Variants in CYP4A11 observed in about 807,000 individuals in gnomAD.
The protein encoded by CYP4A11 is cytochrome P450 family 4 subfamily A member 11, also known as cytochrome P450 4A11.
Under a neutral mutation model 57.7 loss-of-function variants are expected in CYP4A11, and 52 were observed. The ratio of observed to expected loss-of-function variants is 0.90; its 90% CI spans 0.72 to 1.14. CYP4A11 has a LOEUF of 1.14. CYP4A11 is among the 50% of genes most tolerant of loss of function. The pLI, the probability that CYP4A11 is intolerant of heterozygous loss-of-function variation, is 0.00. For synonymous variants in CYP4A11, 228 were observed against 247.1 expected (o/e 0.92, Z 0.72); for missense variants, 641 against 642.1 (o/e 1.00, Z 0.02).
intron 4 of CYP4A11, 87 bp downstream of exon 4, chr1:46,936,577 T>G (rs1681403265): frequency 6.7e-7 from 1 of 1,487,004 alleles, no homozygotes; most frequent in South Asian, 1.4e-5. Flanking sequence ...TGTCTATGTC[T>G]GCCTGTGGGA....
intron 2 of CYP4A11, 66 bp from the exon 3 acceptor site, chr1:46,937,412 A>G (rs979723850): frequency 2.6e-6 from 4 of 1,538,742 alleles, no homozygotes; most frequent in South Asian, 2.2e-5. Context: ...TAGAGGCTGC[A>G]TCAATTCTTG....
At chr1:46,930,726 G>A (rs1390272698) in intron 11 of CYP4A11, among the ~76,000 whole-genome samples, 2 of 152,158 alleles carry the variant, frequency 1.3e-5, no homozygotes, top group Admixed American at 1.3e-4. Context: ...CACACTCTCA[G>A]GTGCTTCCCA....
intron 2 of CYP4A11, 136 bp downstream of exon 2, chr1:46,937,860 G>T (rs559286398): frequency 1.5e-5 from 20 of 1,343,468 alleles, no homozygotes; most frequent in Non-Finnish European, 2.0e-5. Flanking sequence ...CCTGGGCATG[G>T]TGGGCTTGGT....
chr1:46,936,836 TGTG>T, intron 3 of CYP4A11, 45 bp from the exon 4 acceptor site: 5 of 1,568,458 alleles, frequency 3.2e-6, no homozygotes, highest in Non-Finnish European at 4.3e-6. Context: ...TGTGTGTGTG[TGTG>T]TGTGTCAGGG....
Position 46,938,033 on chromosome 1 carries a change from A to G in CYP4A11, c.300T>C (p.Tyr100=). 6.2e-7 allele frequency: 1 copy of G among 1,614,208 alleles called. No homozygotes were observed. The highest frequency in any genetic ancestry group is 8.5e-7 in the Non-Finnish European group (1 of 1,180,038). Residue 100 remains tyrosine, a synonymous_variant, in exon 2 of 12, where the codon TAT becomes TAC. Transcript: ENST00000310638. ...LWGGKVRVQL[Y]DPDYMKVILG... The stretch of plus-strand genomic sequence containing the variant: ...GAATCACCTTCATATAGTCAGGGTC[A>G]TAGAGCTGGACACGAACTTTGCCTC...
chr1:46,932,556 G>T, intron 11 of CYP4A11: 1 of 1,440,404 alleles, frequency 6.9e-7, no homozygotes, highest in South Asian at 1.5e-5. Context: ...AGCAGAGGGA[G>T]CAAAGTCTCC....
At chr1:46,939,131 C>A (rs1039959575) in intron 1 of CYP4A11, among the ~76,000 whole-genome samples, 1 of 152,218 alleles carries the variant, frequency 6.6e-6, no homozygotes, top group Non-Finnish European at 1.5e-5. Flanking sequence ...TTCCATGTAG[C>A]CAACTCTTCT....
In CYP4A11 at chr1:46,934,290, G is replaced by A. The variant is rs1242115353; in HGVS notation, c.974C>T (p.Thr325Ile). 2 of 1,612,236 alleles carry A rather than the reference G, an allele frequency of 1.2e-6. No individual in the cohort carries two copies. Among genetic ancestry groups the A allele is most frequent in the Admixed American group, 1.7e-5 (1 of 59,844 alleles). ...VDTFMFEGHD[T>I]TASGISWILY... Reference sequence around the variant, plus strand: ...GATCCAGGAGATCCCACTGGCTGTGGTGTCGTGGCCCTCAAACATGAACGT... The same window carrying A: ...GATCCAGGAGATCCCACTGGCTGTGATGTCGTGGCCCTCAAACATGAACGT... Residue 325 changes from threonine to isoleucine, a missense_variant, in exon 8 of 12, where the codon ACC becomes ATC. Transcript: ENST00000310638.
intron 6 of CYP4A11, among the ~76,000 whole-genome samples, 163 bp from the exon 7 acceptor site, chr1:46,934,722 G>A (rs1488409888): frequency 6.6e-6 from 1 of 151,862 alleles, no homozygotes; most frequent in East Asian, 2.0e-4. Context: ...GTGAGGCAGG[G>A]CACCCCTCCC....
chr1:46,932,602 C>G, intron 11 of CYP4A11, 159 bp downstream of exon 11: 1 of 1,534,564 alleles, frequency 6.5e-7, no homozygotes, highest in South Asian at 1.3e-5. Context: ...CTTTTGTACA[C>G]AGAGACGCCC....
At chr1:46,933,178 T>C in intron 9 of CYP4A11, 131 bp from the exon 10 acceptor site, 1 of 1,334,902 alleles carries the variant, frequency 7.5e-7, no homozygotes. Context: ...CTGGGATGAT[T>C]CTGCCATTAT....
At position 46,934,185 on chromosome 1, in the gene CYP4A11, G is replaced by A; in HGVS notation, c.1079C>T (p.Ser360Phe). ...TTGAGCCCTCACTCACCAGGTGATG[G>A]AGGCTCCATCACCCAGGAGGCTGTG... ...EIHSLLGDGA[S>F]ITWNHLDQMP... is the part of the protein sequence containing the mutation. The change falls in exon 8 of 12, where the codon TCC becomes TTC. Residue 360 changes from serine to phenylalanine, a missense_variant. By Grantham distance (155) the Ser-to-Phe change is radical (BLOSUM62 -2). Transcript: ENST00000310638. 2 of 1,613,898 alleles carry A rather than the reference G, an allele frequency of 1.2e-6. No homozygotes were observed. Among genetic ancestry groups the A allele is most frequent in the South Asian group, 2.2e-5 (2 of 91,066 alleles).
At chr1:46,934,855 C>A (rs185669857) in intron 6 of CYP4A11, 145 bp downstream of exon 6, 1 of 1,416,818 alleles carries the variant, frequency 7.1e-7, no homozygotes. Flanking sequence ...CATCTCAGCT[C>A]CCAGCCCCTG....
chr1:46,940,978 A>G (rs1333742856), intron 1 of CYP4A11: 1 of 985,278 alleles, frequency 1.0e-6, no homozygotes, highest in African/African-American at 1.7e-5. Context: ...ATTGCCCTCC[A>G]CATGCAGGAC....
intron 11 of CYP4A11, among the ~76,000 whole-genome samples, chr1:46,931,143 C>G (rs1414003175): frequency 6.6e-6 from 1 of 152,202 alleles, no homozygotes; most frequent in East Asian, 1.9e-4. Flanking sequence ...ACCTGTCCAG[C>G]CCACGTCCTG....
At chr1:46,937,409 T>A (rs1284088666) in intron 2 of CYP4A11, 63 bp from the exon 3 acceptor site, 15 of 1,550,110 alleles carry the variant, frequency 9.7e-6, no homozygotes, top group South Asian at 2.2e-5. Context: ...TCTTAGAGGC[T>A]GCATCAATTC....
Position 46,930,300 on chromosome 1 carries a change from C to T in CYP4A11, c.1375G>A (p.Gly459Arg), listed in dbSNP as rs750528497. The T allele has an allele frequency of 7.4e-6, 12 of 1,612,520 alleles. No individual in the cohort carries two copies. The highest frequency in any genetic ancestry group is 1.6e-4 in the Middle Eastern group (1 of 6,068). ...AGCTCGTTCATGGCAAATTGTTTCCCGATGCAGTTCCTGGGCCAGGTGGAG... is the reference window on the plus strand; with the variant it reads ...AGCTCGTTCATGGCAAATTGTTTCCTGATGCAGTTCCTGGGCCAGGTGGAG... ...PFSGGSRNCI[G>R]KQFAMNELKV... Residue 459 changes from glycine (G) to arginine (R), a missense_variant, in exon 12 of 12, where the codon GGG (glycine) becomes AGG (arginine). Gly to Arg is a moderately radical substitution (Grantham distance 125). Transcript: ENST00000310638.
At chr1:46,933,892 C>A in intron 9 of CYP4A11, 54 bp downstream of exon 9, 1 of 1,602,044 alleles carries the variant, frequency 6.2e-7, no homozygotes, top group Non-Finnish European at 8.5e-7. Flanking sequence ...GGATTTCTCA[C>A]CCTCCACACG....
Position 46,935,130 on chromosome 1 carries a change from G to A in CYP4A11, c.660C>T (p.Ala220=), listed in dbSNP as rs1280838286. Residue 220 remains alanine (A), a synonymous_variant, in exon 6 of 12, where the codon GCC becomes GCT. Transcript: ENST00000310638. ...VDRNSQSYIQ[A]ISDLNNLVFS... is the part of the protein sequence containing the mutation. The stretch of plus-strand genomic sequence containing the variant: ...AAACCAGGTTGTTCAGGTCACTAAT[G>A]GCCTGTATGTAGGACTGAGAATTCC... 1 of 1,614,156 alleles carries A rather than the reference G, an allele frequency of 6.2e-7. No homozygotes were observed.
Sources: allele counts gnomAD v4.1 joint callset (sites outside exome capture counted in the v4.1 genomes callset), GRCh38; gene constraint gnomAD v4.1.1; transcripts MANE v1.5; gene names NCBI Gene and HGNC (gene_info 2026-07-23, HGNC 2026-07-21).